Variants in NDC1 observed in about 807,000 individuals in gnomAD.
NDC1 encodes NDC1 transmembrane nucleoporin.
In NDC1, 24 loss-of-function variants were observed where a neutral mutation model predicts 89.8. The ratio of observed to expected loss-of-function variants is 0.27; its 90% confidence interval spans 0.19 to 0.38. The LOEUF (loss-of-function observed/expected upper bound fraction) is 0.38, where lower values mean the gene tolerates loss of function less well. Among genes scored for constraint, NDC1 ranks in the 10% least tolerant of loss-of-function variants. The pLI, the probability that NDC1 is intolerant of heterozygous loss-of-function variation, is 1.00. For missense variants in NDC1, 728 were observed against 797.6 expected (o/e 0.91, Z 1.05); for synonymous variants, 296 against 284.8 (o/e 1.04, Z -0.39).
Position 53,832,591 on chromosome 1 carries a change from T to C in NDC1, c.179A>G (p.Asp60Gly). The C allele has an allele frequency of 1.3e-6, 2 of 1,498,814 alleles. No individual in the cohort carries two copies. The highest frequency in any genetic ancestry group is 1.9e-6 in the Non-Finnish European group (2 of 1,076,680). 92.8% of individuals were successfully genotyped at this position (1,498,814 alleles called of 1,614,324 possible). ...DLFHPIQWLS[D>G]SFSDLYSSYV... ...GGAACTATACAGGTCACTGAAAGAA[T>C]CTAAAACACAAGAGAGATGAATTAG... The change falls in exon 3 of 18, where the codon GAT becomes GGT. Residue 60 changes from aspartate (D) to glycine (G), a missense_variant and splice_region_variant. By Grantham distance (94) the Asp-to-Gly change is moderately conservative. Transcript: ENST00000371429.
chr1:53,772,887 GA>G (rs1570152352), intron 16 of NDC1, among the ~76,000 whole-genome samples: 1 of 151,870 alleles, frequency 6.6e-6, no homozygotes, highest in Non-Finnish European at 1.5e-5. Context: ...TCTTACTGTA[GA>G]TCACAGTCAA....
At chr1:53,838,163 C>G (rs1649301978) in intron 1 of NDC1, 42 bp downstream of exon 1, 1 of 1,523,688 alleles carries the variant, frequency 6.6e-7, no homozygotes, top group African/African-American at 1.4e-5. Flanking sequence ...GCCCGCCCGG[C>G]CCGACCCTGG....
At position 53,787,751 on chromosome 1, in the gene NDC1, A is replaced by G. The variant is rs1570172102; in HGVS notation, c.1700-493T>C. On this transcript the variant is annotated intron_variant, in intron 15 of 17. Transcript: ENST00000371429. Reference sequence around the variant, plus strand: ...CAAAAAAATTGGAATAGGCACTGAAAAAAGTACTCAATTGCATTAGTAATG... The same window carrying G: ...CAAAAAAATTGGAATAGGCACTGAAGAAAGTACTCAATTGCATTAGTAATG... Among the ~76,000 whole-genome samples the G allele has an allele frequency of 2.0e-5, 3 of 151,610 alleles. No homozygotes were observed. In the East Asian group the frequency reaches 5.8e-4, roughly 29 times the overall value.
intron 4 of NDC1, among the ~76,000 whole-genome samples, chr1:53,826,777 C>T (rs542457913): frequency 4.6e-4 from 70 of 152,100 alleles, no homozygotes; most frequent in Non-Finnish European, 8.7e-4. Context: ...TGTAGGCCTG[C>T]CCCACCATCT....
At chr1:53,785,191 AATG>A (rs1351298549) in intron 16 of NDC1, among the ~76,000 whole-genome samples, 2 of 152,186 alleles carry the variant, frequency 1.3e-5, no homozygotes, top group Admixed American at 1.3e-4. Flanking sequence ...ATCAAATAAT[AATG>A]ATATCACATT....
intron 4 of NDC1, 131 bp downstream of exon 4, chr1:53,827,868 C>A: frequency 1.7e-6 from 1 of 593,622 alleles, no homozygotes. Context: ...ATTAAAAACA[C>A]TTGATATATG....
At chr1:53,828,969 T>C (rs909277915) in intron 3 of NDC1, among the ~76,000 whole-genome samples, 16 of 152,058 alleles carry the variant, frequency 1.1e-4, no homozygotes, top group African/African-American at 2.9e-4. Context: ...TATAATCCAC[T>C]TACGAAAAAT....
intron 6 of NDC1, among the ~76,000 whole-genome samples, chr1:53,813,839 C>T (rs1027802438): frequency 6.6e-6 from 1 of 152,154 alleles, no homozygotes; most frequent in Admixed American, 6.5e-5. Context: ...TATTCAACAG[C>T]ACATGGAACT....
intron 16 of NDC1, among the ~76,000 whole-genome samples, chr1:53,779,913 G>A (rs1647190594): frequency 6.6e-6 from 1 of 151,890 alleles, no homozygotes; most frequent in Admixed American, 6.6e-5. Flanking sequence ...CATAGCTCTG[G>A]CCCTCAAGAA....
intron 8 of NDC1, among the ~76,000 whole-genome samples, chr1:53,807,151 G>A (rs1266976111): frequency 6.6e-6 from 1 of 151,082 alleles, no homozygotes; most frequent in African/African-American, 2.4e-5. Flanking sequence ...GGAAGCTGAG[G>A]TGGGAGAATC....
rs1024366298 is a variant in NDC1, at chr1:53,779,117, C to T, written c.1801-6628G>A. Among the ~76,000 whole-genome samples the T allele has an allele frequency of 7.4e-5, 7 of 94,784 alleles. No individual in the cohort carries two copies. The South Asian group carries it at 1.6e-3, about 22-fold the overall frequency. The allele number at this position is 94,784 out of a possible 152,430, so 62.2% of individuals were successfully genotyped here. A position where few individuals can be genotyped will look rare whatever the true frequency, so the allele number is the denominator to read the frequency against. ...TCTGGGTGATAAAGCAAGACTCTGTCGCAAAAAAAAAAAAAAAAAAAAAAA... is the reference window on the plus strand; with the variant it reads ...TCTGGGTGATAAAGCAAGACTCTGTTGCAAAAAAAAAAAAAAAAAAAAAAA... On this transcript the variant is annotated intron_variant, in intron 16 of 17. Coordinates refer to ENST00000371429, the MANE Select transcript of NDC1 (RefSeq NM_018087.5).
chr1:53,788,474 C>G (rs1178322517), intron 15 of NDC1, among the ~76,000 whole-genome samples: 2 of 151,952 alleles, frequency 1.3e-5, no homozygotes, highest in Non-Finnish European at 2.9e-5. Flanking sequence ...GTTACCCAGG[C>G]TGGAGTGCAG....
At chr1:53,827,278 A>AG (rs902416464) in intron 4 of NDC1, among the ~76,000 whole-genome samples, 1 of 151,730 alleles carries the variant, frequency 6.6e-6, no homozygotes, top group African/African-American at 2.4e-5. Flanking sequence ...AAAAAAAAAA[A>AG]AAAAAAAAAC....
At chr1:53,824,640 G>A (rs1032997785) in intron 5 of NDC1, among the ~76,000 whole-genome samples, 10 of 152,110 alleles carry the variant, frequency 6.6e-5, no homozygotes, top group African/African-American at 2.4e-4. Flanking sequence ...GCATCTGTGA[G>A]ACATCTCAGC....
chr1:53,816,163 A>G (rs1181152), intron 6 of NDC1, among the ~76,000 whole-genome samples: 41,909 of 152,104 alleles, frequency 0.28, 7,462 homozygotes, highest in African/African-American at 0.51. Flanking sequence ...CAAAAAGAAC[A>G]AATCTGGAGG....
chr1:53,791,824 T>C (rs916324701), intron 14 of NDC1, among the ~76,000 whole-genome samples: 1 of 152,174 alleles, frequency 6.6e-6, no homozygotes, highest in African/African-American at 2.4e-5. Context: ...TTTCCTTATC[T>C]GTAAAATGAG....
Position 53,825,927 on chromosome 1 carries a change from G to C in NDC1, c.465C>G (p.Ser155Arg), listed in dbSNP as rs767915338. The C allele has an allele frequency of 6.2e-7, 1 of 1,611,028 alleles. No individual in the cohort carries two copies. Among genetic ancestry groups the C allele is most frequent in the South Asian group, 1.1e-5 (1 of 90,086 alleles). Reference sequence around the variant, plus strand: ...CATTTAAGCAGGTTTGCGCAGCAGGGCTACCAAAGCTGAAGGGAAAAAATT... The same window carrying C: ...CATTTAAGCAGGTTTGCGCAGCAGGCCTACCAAAGCTGAAGGGAAAAAATT... ...VPCTGTNSFG[S>R]PAAQTCLNEY... The change falls in exon 5 of 18, where the codon AGC (serine) becomes AGG (arginine). Residue 155 changes from serine (S) to arginine (R), a missense_variant. Ser to Arg is a moderately radical substitution (Grantham distance 110, BLOSUM62 -1). Transcript: ENST00000371429.
chr1:53,833,414 G>A (rs924684304), intron 2 of NDC1, among the ~76,000 whole-genome samples: 1 of 152,062 alleles, frequency 6.6e-6, no homozygotes, highest in Admixed American at 6.5e-5. Flanking sequence ...GGGATTACAG[G>A]TATGAGCCAT....
rs75745998 is a variant in NDC1 at position 53,834,779 on chromosome 1, C to T, written c.178+721G>A. On this transcript the variant is annotated intron_variant, in intron 2 of 17. Coordinates refer to ENST00000371429, the MANE Select transcript of NDC1 (RefSeq NM_018087.5). Reference sequence around the variant, plus strand: ...AACAGAAAACAAGTTAATTTTAATACATTTAGTAATTTTACTTAGTCTCTA... The same window carrying T: ...AACAGAAAACAAGTTAATTTTAATATATTTAGTAATTTTACTTAGTCTCTA... Among the ~76,000 whole-genome samples, 348 of 152,220 alleles carry T rather than the reference C, an allele frequency of 2.3e-3. 7 individuals are homozygous for T. In the East Asian group the frequency reaches 0.046, roughly 20 times the overall value.
Sources: allele counts gnomAD v4.1 joint callset (sites outside exome capture counted in the v4.1 genomes callset), GRCh38; gene constraint gnomAD v4.1.1; transcripts MANE v1.5; gene names NCBI Gene and HGNC (gene_info 2026-07-23, HGNC 2026-07-21).